The following SORCS1 variants were observed in gnomAD, a reference collection of about 807,000 sequenced individuals.
SORCS1 encodes the protein VPS10 domain-containing receptor SorCS1.
Under a neutral mutation model 146.1 loss-of-function variants are expected in SORCS1, and 60 were observed. The observed-to-expected ratio is 0.41, with a 90% CI of 0.33 to 0.51. SORCS1 has a LOEUF of 0.51. Among genes scored for constraint, SORCS1 ranks in the 20% least tolerant of loss-of-function variants. The pLI, the probability that SORCS1 is intolerant of heterozygous loss-of-function variation, is 0.21. For synonymous variants in SORCS1, 637 were observed against 584.0 expected (o/e 1.09, Z -1.31); for missense variants, 1,352 against 1,487.6 (o/e 0.91, Z 1.50).
At chr10:106,791,262 C>T (rs554507048) in intron 3 of SORCS1, among the ~76,000 whole-genome samples, 11 of 152,270 alleles carry the variant, frequency 7.2e-5, no homozygotes, top group African/African-American at 1.9e-4. Flanking sequence ...ATTGATTGTA[C>T]AAATATGCCA....
chr10:107,046,649 T>A lies in SORCS1; in HGVS notation c.559-90069A>T, dbSNP rs183599114. 8.5e-5 allele frequency among the ~76,000 whole-genome samples: 13 copies of A among 152,200 alleles called. No individual in the cohort carries two copies. In the East Asian group the frequency reaches 2.3e-3, roughly 27 times the overall value. On this transcript the variant is annotated intron_variant, in intron 1 of 25. Coordinates refer to ENST00000263054, the MANE Select transcript of SORCS1 (RefSeq NM_052918.5). ...GTACGTCAGAGGGTGGGAAAAGAAGTGTATTTTTGATATAAACAGGAGGCA... is the reference window on the plus strand; with the variant it reads ...GTACGTCAGAGGGTGGGAAAAGAAGAGTATTTTTGATATAAACAGGAGGCA...
intron 1 of SORCS1, among the ~76,000 whole-genome samples, chr10:107,051,324 A>G (rs1960095139): frequency 6.6e-6 from 1 of 152,178 alleles, no homozygotes; most frequent in African/African-American, 2.4e-5. Flanking sequence ...CCATAAAAAT[A>G]TCTAGTAGAT....
intron 2 of SORCS1, among the ~76,000 whole-genome samples, chr10:106,837,697 A>C (rs17121682): frequency 0.036 from 5,517 of 151,576 alleles, 110 homozygotes; most frequent in African/African-American, 0.053. Context: ...TAGGATTGCA[A>C]TATAATTGTG....
chr10:107,055,549 AC>A (rs1481802109), intron 1 of SORCS1, among the ~76,000 whole-genome samples: 1 of 152,252 alleles, frequency 6.6e-6, no homozygotes, highest in Non-Finnish European at 1.5e-5. Flanking sequence ...TGCTCTGGGC[AC>A]ATGAGTGCTG....
At chr10:106,625,474 C>A (rs1261922695) in intron 19 of SORCS1, among the ~76,000 whole-genome samples, 1 of 152,180 alleles carries the variant, frequency 6.6e-6, no homozygotes, top group Non-Finnish European at 1.5e-5. Flanking sequence ...TGATGCCATA[C>A]TTCCAGGAAT....
chr10:106,992,826 CTTTTT>C (rs36052970), intron 1 of SORCS1, among the ~76,000 whole-genome samples: 10 of 57,104 alleles, frequency 1.8e-4, no homozygotes, highest in Non-Finnish European at 2.7e-4. Flanking sequence ...TTCTTTCTTT[CTTTTT>C]TTTTTTTTTT....
chr10:107,043,242 A>G (rs1959185054), intron 1 of SORCS1, among the ~76,000 whole-genome samples: 1 of 152,184 alleles, frequency 6.6e-6, no homozygotes, highest in Admixed American at 6.5e-5. Context: ...GAAAGCATCT[A>G]AGGAAAAAGT....
chr10:106,808,076 A>G (rs1408157616), intron 3 of SORCS1, among the ~76,000 whole-genome samples: 2 of 152,174 alleles, frequency 1.3e-5, no homozygotes, highest in Non-Finnish European at 2.9e-5. Flanking sequence ...GCTGGAGCGC[A>G]ATGGCGCGAC....
At chr10:107,040,566 G>A (rs1176953803) in intron 1 of SORCS1, among the ~76,000 whole-genome samples, 3 of 152,096 alleles carry the variant, frequency 2.0e-5, no homozygotes, top group Non-Finnish European at 4.4e-5. Flanking sequence ...AGTTTATAAA[G>A]ACAAGAAAAG....
intron 2 of SORCS1, among the ~76,000 whole-genome samples, chr10:106,933,232 A>C (rs1283205597): frequency 6.6e-6 from 1 of 152,170 alleles, no homozygotes; most frequent in Non-Finnish European, 1.5e-5. Flanking sequence ...TAATGGGCCA[A>C]AGTTCATCGA....
At chr10:106,750,728 CAAAAAAAAAAAAAAAAAAAAAA>C (rs572295853) in intron 5 of SORCS1, among the ~76,000 whole-genome samples, 2 of 24,026 alleles carry the variant, frequency 8.3e-5, no homozygotes, top group South Asian at 5.4e-3. Context: ...GACTCCCTCT[CAAAAAAAAAAAAAAAAAAAAAA>C]AAAAAAAAAA....
chr10:107,006,975 G>A (rs945901028), intron 1 of SORCS1, among the ~76,000 whole-genome samples: 12 of 152,092 alleles, frequency 7.9e-5, no homozygotes, highest in Non-Finnish European at 1.5e-4. Context: ...TTCCAGAGAC[G>A]AAGTGTTAAT....
At chr10:106,620,606 C>T (rs1847677435) in intron 19 of SORCS1, 45 bp from the exon 20 acceptor site, 1 of 1,602,172 alleles carries the variant, frequency 6.2e-7, no homozygotes, top group African/African-American at 1.3e-5. Context: ...GAAGAGCTTC[C>T]TCTGCTCTGT....
At chr10:107,017,624 A>G (rs1311209431) in intron 1 of SORCS1, among the ~76,000 whole-genome samples, 1 of 152,144 alleles carries the variant, frequency 6.6e-6, no homozygotes. Context: ...AAAGCAGACC[A>G]CAGAATAATT....
chr10:106,618,323 G>A, intron 20 of SORCS1, 51 bp from the exon 21 acceptor site: 1 of 1,599,406 alleles, frequency 6.3e-7, no homozygotes, highest in Non-Finnish European at 8.5e-7. Flanking sequence ...AGTTACAGGT[G>A]ACACAGCCAC....
intron 1 of SORCS1, among the ~76,000 whole-genome samples, chr10:107,143,698 G>C (rs1174231497): frequency 6.6e-6 from 1 of 152,056 alleles, no homozygotes; most frequent in Non-Finnish European, 1.5e-5. Context: ...TAGAGATGGG[G>C]TTTCAGCATG....
chr10:107,042,886 A>C (rs1959180863), intron 1 of SORCS1, among the ~76,000 whole-genome samples: 1 of 152,178 alleles, frequency 6.6e-6, no homozygotes, highest in African/African-American at 2.4e-5. Context: ...CTGGGATTAC[A>C]GGCATGAGCC....
chr10:106,644,259 T>C (rs2133699113), intron 18 of SORCS1, among the ~76,000 whole-genome samples: 1 of 152,266 alleles, frequency 6.6e-6, no homozygotes, highest in Admixed American at 6.5e-5. Context: ...CATTAGCTGC[T>C]GCCCAGATGA....
At chr10:106,995,663 C>T (rs1251854681) in intron 1 of SORCS1, among the ~76,000 whole-genome samples, 1 of 152,078 alleles carries the variant, frequency 6.6e-6, no homozygotes, top group Non-Finnish European at 1.5e-5. Flanking sequence ...GTTAGGGCTA[C>T]ATGGGAAGTT....
Sources: gnomAD v4.1 joint callset for allele counts (sites outside exome capture counted in the v4.1 genomes callset) on GRCh38, gnomAD v4.1.1 for gene constraint, MANE v1.5 for transcripts, NCBI Gene and HGNC (gene_info 2026-07-23, HGNC 2026-07-21) for gene names.